The following SLC22A16 variants were observed in gnomAD, a reference collection of about 807,000 sequenced individuals.
The protein encoded by SLC22A16 is solute carrier family 22 member 16, also known as WUGSC:RG331P03.1.
In SLC22A16, 53 loss-of-function variants were observed where a neutral mutation model predicts 52.9. The observed-to-expected ratio is 1.00, with a 90% confidence interval of 0.80 to 1.26. The LOEUF (loss-of-function observed/expected upper bound fraction) is 1.26. Ranked by LOEUF, SLC22A16 falls within the 50% of genes most tolerant of loss-of-function variation. SLC22A16 has a pLI of 0.00. For synonymous variants in SLC22A16, 291 were observed against 268.8 expected (o/e 1.08, Z -0.81); for missense variants, 726 against 704.0 (o/e 1.03, Z -0.35).
chr6:110,462,890 C>A (rs1401071165), intron 1 of SLC22A16, among the ~76,000 whole-genome samples: 2 of 151,792 alleles, frequency 1.3e-5, no homozygotes, highest in African/African-American at 4.8e-5. Flanking sequence ...GTCAGATCGC[C>A]TATAAAAAGA....
intron 1 of SLC22A16, among the ~76,000 whole-genome samples, chr6:110,461,902 G>A (rs1775899016): frequency 1.3e-5 from 2 of 152,164 alleles, no homozygotes; most frequent in South Asian, 4.1e-4. Context: ...CCAATTTCAT[G>A]CTGCTGATAA....
chr6:110,457,457 T>A (rs1400028509), intron 1 of SLC22A16, among the ~76,000 whole-genome samples: 2 of 152,208 alleles, frequency 1.3e-5, no homozygotes, highest in African/African-American at 4.8e-5. Flanking sequence ...AGTGGCCAGC[T>A]GTGGGTGGCA....
intron 1 of SLC22A16, among the ~76,000 whole-genome samples, chr6:110,468,729 A>C (rs1582591563): frequency 6.6e-6 from 1 of 152,042 alleles, no homozygotes; most frequent in Non-Finnish European, 1.5e-5. Flanking sequence ...TCCTAGACAG[A>C]GGGGTTGGGC....
intron 2 of SLC22A16, 177 bp downstream of exon 2, chr6:110,456,361 C>T (rs1225838571): frequency 1.2e-6 from 1 of 865,896 alleles, no homozygotes; most frequent in Non-Finnish European, 1.8e-6. Context: ...GGTATACTGT[C>T]TTCAGAGCCT....
At chr6:110,468,500 G>C (rs779663965) in intron 1 of SLC22A16, among the ~76,000 whole-genome samples, 1 of 151,964 alleles carries the variant, frequency 6.6e-6, no homozygotes, top group Non-Finnish European at 1.5e-5. Flanking sequence ...CCAAAAACTA[G>C]CCAGGCATAG....
chr6:110,442,725 A>G lies in SLC22A16; in HGVS notation c.702T>C (p.Ile234=). 1 of 1,614,172 alleles carries G rather than the reference A, an allele frequency of 6.2e-7. No individual in the cohort carries two copies. The highest frequency in any genetic ancestry group is 8.5e-7 in the Non-Finnish European group (1 of 1,180,002). Residue 234 remains isoleucine, a synonymous_variant, in exon 4 of 8, where the codon ATT becomes ATC. Transcript: ENST00000368919. The stretch of plus-strand genomic sequence containing the variant: ...ACGCCCATGTCCGAGACTTCATGCC[A>G]ATGAATTCCATCACATAGACAAACC... ...VVGFVYVMEF[I]GMKSRTWASV...
intron 7 of SLC22A16, among the ~76,000 whole-genome samples, chr6:110,428,616 T>G (rs984570630): frequency 6.6e-6 from 1 of 152,188 alleles, no homozygotes; most frequent in Non-Finnish European, 1.5e-5. Flanking sequence ...TAAAGCATGT[T>G]CAAAAAGAGC....
chr6:110,445,591 A>G (rs1775139438), intron 3 of SLC22A16, among the ~76,000 whole-genome samples: 1 of 152,202 alleles, frequency 6.6e-6, no homozygotes, highest in Non-Finnish European at 1.5e-5. Context: ...CAACGGAAAC[A>G]GTCACAGAAA....
Position 110,438,410 on chromosome 6 carries a change from C to T in SLC22A16, c.1311+310G>A, listed in dbSNP as rs147169881. The stretch of plus-strand genomic sequence containing the variant: ...CAGTGATCAGAGCTCACTGCAGCCT[C>T]GAACTCCTGAACTCAAGCCATCCTC... On this transcript the variant is annotated intron_variant, in intron 5 of 7. Coordinates refer to ENST00000368919, the MANE Select transcript of SLC22A16 (RefSeq NM_033125.4). 5.4e-3 allele frequency among the ~76,000 whole-genome samples: 824 copies of T among 152,130 alleles called. 2 individuals are homozygous for T. The highest frequency in any genetic ancestry group is 0.02 in the Middle Eastern group (6 of 294).
At chr6:110,427,260 A>AAAAAAAAAAAAAAAAAAAAAAAAG (rs538137410) in intron 7 of SLC22A16, among the ~76,000 whole-genome samples, 1 of 137,936 alleles carries the variant, frequency 7.2e-6, no homozygotes, top group Non-Finnish European at 1.5e-5. Context: ...AAAAAAAAAA[A>AAAAAAAAAAAAAAAAAAAAAAAAG]AAAAGAAAAA....
rs1464891351 is a variant in SLC22A16 at position 110,456,691 on chromosome 6, T to A, written c.380A>T (p.Asp127Val). Reference protein sequence around the residue: ...TGSKKEFPCVDGYIYDQNTWK... With the variant: ...TGSKKEFPCVVGYIYDQNTWK... Reference sequence around the variant, plus strand: ...TGTGTTCTGGTCATATATGTAGCCATCCACACAAGGAAACTCTTTCTTACT... The same window carrying A: ...TGTGTTCTGGTCATATATGTAGCCAACCACACAAGGAAACTCTTTCTTACT... The change falls in exon 2 of 8, where the codon GAT (aspartate) becomes GTT (valine). Residue 127 changes from aspartate to valine, a missense_variant. Physicochemically the swap from Asp to Val is radical, Grantham distance 152. Coordinates refer to ENST00000368919, the MANE Select transcript of SLC22A16 (RefSeq NM_033125.4). 25 of 1,614,064 alleles carry A rather than the reference T, an allele frequency of 1.5e-5. No individual in the cohort carries two copies. The highest frequency in any genetic ancestry group is 4.0e-5 in the African/African-American group (3 of 74,920).
intron 1 of SLC22A16, among the ~76,000 whole-genome samples, chr6:110,464,711 T>G (rs927529435): frequency 3.3e-5 from 5 of 151,974 alleles, no homozygotes; most frequent in African/African-American, 1.2e-4. Context: ...TTTTATCAGA[T>G]GTACAAAGAG....
intron 2 of SLC22A16, among the ~76,000 whole-genome samples, chr6:110,453,366 T>A (rs1440592884): frequency 6.6e-6 from 1 of 152,180 alleles, no homozygotes; most frequent in East Asian, 1.9e-4. Context: ...TTATTCACCT[T>A]GAAAAATAAT....
At chr6:110,441,119 G>A (rs976022680) in intron 4 of SLC22A16, among the ~76,000 whole-genome samples, 4 of 152,198 alleles carry the variant, frequency 2.6e-5, no homozygotes, top group Non-Finnish European at 4.4e-5. Context: ...AGGACAAGAC[G>A]ATATTGAAGA....
rs779217731 is a variant in SLC22A16 at position 110,457,009 on chromosome 6, C to G, written c.62G>C (p.Arg21Thr). ...GAAGGCACATATGAAATAGAGGACT[C>G]TCTGGAATCTGCAAGAGAAGAAAAG... ...DHVGHFGRFQ[R>T]VLYFICAFQN... The change falls in exon 2 of 8, where the codon AGA becomes ACA. Residue 21 changes from arginine to threonine, a missense_variant. Transcript: ENST00000368919. 3 of 1,525,314 alleles carry G rather than the reference C, an allele frequency of 2.0e-6. No individual in the cohort carries two copies. Among genetic ancestry groups the G allele is most frequent in the Non-Finnish European group, 2.6e-6 (3 of 1,139,406 alleles). 94.5% of individuals were successfully genotyped at this position (1,525,314 alleles called of 1,614,324 possible).
At chr6:110,465,298 C>T (rs1002359456) in intron 1 of SLC22A16, among the ~76,000 whole-genome samples, 1 of 151,846 alleles carries the variant, frequency 6.6e-6, no homozygotes, top group Admixed American at 6.6e-5. Flanking sequence ...CTAAACATAG[C>T]AATTAGGTAA....
At chr6:110,468,554 G>A (rs969619316) in intron 1 of SLC22A16, among the ~76,000 whole-genome samples, 1 of 151,422 alleles carries the variant, frequency 6.6e-6, no homozygotes, top group Non-Finnish European at 1.5e-5. Flanking sequence ...GCTGAGACAG[G>A]AGAATTGCTT....
intron 1 of SLC22A16, among the ~76,000 whole-genome samples, chr6:110,462,495 T>C (rs1180801260): frequency 6.6e-6 from 1 of 152,146 alleles, no homozygotes; most frequent in Non-Finnish European, 1.5e-5. Context: ...AAACTTTAAC[T>C]ATAGTGAAAG....
chr6:110,476,159 G>T (rs1449043053), intron 1 of SLC22A16: 7 of 424,962 alleles, frequency 1.6e-5, no homozygotes, highest in Non-Finnish European at 3.0e-5. Context: ...AGAGAAACGG[G>T]CGGCCAGGCA....
Sources: gnomAD v4.1 joint callset for allele counts (sites outside exome capture counted in the v4.1 genomes callset) on GRCh38, gnomAD v4.1.1 for gene constraint, MANE v1.5 for transcripts, NCBI Gene and HGNC (gene_info 2026-07-23, HGNC 2026-07-21) for gene names.